FCRL2: variants seen among roughly 807,000 people sequenced by gnomAD.
The protein encoded by FCRL2 is Fc receptor like 2.
A neutral mutation model predicts 59.8 loss-of-function variants in FCRL2; 48 were observed. The ratio of observed to expected loss-of-function variants is 0.80; its 90% CI spans 0.64 to 1.02. The LOEUF (loss-of-function observed/expected upper bound fraction) is 1.02. Among genes scored for constraint, FCRL2 ranks in the 50% least tolerant of loss-of-function variants. The pLI is 0.00. For synonymous variants in FCRL2, 251 were observed against 229.5 expected (o/e 1.09, Z -0.85); for missense variants, 658 against 597.3 (o/e 1.10, Z -1.06).
chr1:157,746,941 A>AT, intron 10 of FCRL2, 42 bp from the exon 11 acceptor site: 1 of 1,602,898 alleles, frequency 6.2e-7, no homozygotes, highest in Non-Finnish European at 8.5e-7. Flanking sequence ...TTGCATTCTT[A>AT]ATTAGGCCTC....
At chr1:157,753,599 C>T (rs1571256156) in intron 7 of FCRL2, among the ~76,000 whole-genome samples, 2 of 152,186 alleles carry the variant, frequency 1.3e-5, no homozygotes, top group East Asian at 3.8e-4. Flanking sequence ...CTGGCAAGCT[C>T]GCCAAATCCC....
Position 157,769,887 on chromosome 1 carries a change from G to A in FCRL2, c.574C>T (p.Gln192Ter), listed in dbSNP as rs1571291166. 24 of 1,613,916 alleles carry A rather than the reference G, an allele frequency of 1.5e-5. 1 individual carries two copies. The East Asian group carries it at 5.3e-4, about 36-fold the overall frequency. The change falls in exon 4 of 12, where the codon CAA becomes TAA. Residue 192 changes from glutamine (Q) to a stop codon, truncating the protein, a stop_gained. Coordinates refer to ENST00000361516, the MANE Select transcript of FCRL2 (RefSeq NM_030764.4). LOFTEE classifies it high-confidence loss of function. ...VTHRIRKQSL[Q>*]SQIHVQRIPI... ...TTGCTCTGCACGTGAATCTGGGATTGGAGGCTCTGTTTTCTGATCCTGTGA... is the reference window on the plus strand; with the variant it reads ...TTGCTCTGCACGTGAATCTGGGATTAGAGGCTCTGTTTTCTGATCCTGTGA...
At chr1:157,755,699 C>T (rs1648533871) in intron 7 of FCRL2, among the ~76,000 whole-genome samples, 1 of 152,100 alleles carries the variant, frequency 6.6e-6, no homozygotes, top group Admixed American at 6.5e-5. Context: ...AAAGATGTTA[C>T]AGTTCTATAC....
chr1:157,775,728 G>A (rs775924541), intron 2 of FCRL2, 47 bp downstream of exon 2: 19 of 1,609,322 alleles, frequency 1.2e-5, no homozygotes, highest in East Asian at 2.2e-5. Flanking sequence ...GTAGTGGGGT[G>A]ACTGATATGC....
intron 2 of FCRL2, among the ~76,000 whole-genome samples, chr1:157,773,861 T>G (rs984134588): frequency 6.6e-6 from 1 of 152,158 alleles, no homozygotes; most frequent in African/African-American, 2.4e-5. Flanking sequence ...TGAGAGTGGC[T>G]CTACCTGCAG....
At chr1:157,768,317 C>CT (rs1280956111) in intron 5 of FCRL2, 97 bp downstream of exon 5, 11 of 1,331,602 alleles carry the variant, frequency 8.3e-6, no homozygotes, top group Non-Finnish European at 1.0e-5. Context: ...CTCCACAGCA[C>CT]TAATCCCTGG....
chr1:157,760,100 T>A (rs1181360022), intron 7 of FCRL2, among the ~76,000 whole-genome samples: 1 of 152,210 alleles, frequency 6.6e-6, no homozygotes. Context: ...CACTATGGAA[T>A]ACTATGCAGC....
chr1:157,769,016 G>A, intron 4 of FCRL2: 1 of 222,690 alleles, frequency 4.5e-6, no homozygotes, highest in Non-Finnish European at 8.7e-6. Flanking sequence ...ATATAGAGGG[G>A]CACTGATATC....
intron 1 of FCRL2, 94 bp downstream of exon 1, chr1:157,776,949 C>A: frequency 8.1e-7 from 1 of 1,227,638 alleles, no homozygotes; most frequent in Non-Finnish European, 1.2e-6. Context: ...GCATCCCCAC[C>A]AGTCCCTGGG....
At chr1:157,768,783 A>T in intron 4 of FCRL2, 82 bp from the exon 5 acceptor site, 1 of 1,328,468 alleles carries the variant, frequency 7.5e-7, no homozygotes, top group Non-Finnish European at 1.0e-6. Context: ...CTCTAATGCA[A>T]AATGTGGGAA....
In FCRL2 at chr1:157,770,113, G is replaced by C; in HGVS notation, c.348C>G (p.Phe116Leu). 1 of 1,614,154 alleles carries C rather than the reference G, an allele frequency of 6.2e-7. No homozygotes were observed. The highest frequency in any genetic ancestry group is 8.5e-7 in the Non-Finnish European group (1 of 1,180,036). ...TCACTGGACCCCCTTCGATGGGCTG[G>C]AAGGAGCTGGCAGTCAGCACAGGAC... ...FQRPVLTASS[F>L]QPIEGGPVSL... Residue 116 changes from phenylalanine (F) to leucine (L), a missense_variant, in exon 4 of 12, where the codon TTC becomes TTG. Phe to Leu is a conservative substitution (Grantham distance 22, BLOSUM62 0). Coordinates refer to ENST00000361516, the MANE Select transcript of FCRL2 (RefSeq NM_030764.4).
intron 6 of FCRL2, 55 bp downstream of exon 6, chr1:157,767,176 C>G: frequency 6.4e-7 from 1 of 1,560,622 alleles, no homozygotes; most frequent in African/African-American, 1.4e-5. Context: ...CATCTCCAGG[C>G]TGGTGAGACA....
intron 7 of FCRL2, among the ~76,000 whole-genome samples, chr1:157,764,072 C>T (rs1412204575): frequency 2.0e-5 from 3 of 149,298 alleles, no homozygotes; most frequent in East Asian, 3.9e-4. Context: ...GGTGTGGTGG[C>T]ACACGCCTGT....
At chr1:157,754,218 T>C (rs1648415253) in intron 7 of FCRL2, among the ~76,000 whole-genome samples, 1 of 152,040 alleles carries the variant, frequency 6.6e-6, no homozygotes. Context: ...ATACAGGTCA[T>C]AAAGACCTTG....
intron 7 of FCRL2, among the ~76,000 whole-genome samples, chr1:157,762,639 A>T (rs935275017): frequency 6.6e-6 from 1 of 152,226 alleles, no homozygotes; most frequent in Admixed American, 6.5e-5. Flanking sequence ...TCCATGGCAC[A>T]TTATAATAAA....
In FCRL2 at chr1:157,748,591, T is replaced by C; in HGVS notation, c.1421A>G (p.Tyr474Cys). The change falls in exon 10 of 12, where the codon TAT becomes TGT. Residue 474 changes from tyrosine (Y) to cysteine (C), a missense_variant. Tyr to Cys is a radical substitution (Grantham distance 194). Transcript: ENST00000361516. ...CTGCTGCATGCTCCAGACCTGAGAA[T>C]AAACCACATCCACATCTACAGAGCC... ...NVGSVDVDVVYSQVWSMQQPE... is the reference protein window; with the variant it reads ...NVGSVDVDVVCSQVWSMQQPE... 6.2e-7 allele frequency: 1 copy of C among 1,614,008 alleles called. No individual in the cohort carries two copies. The highest frequency in any genetic ancestry group is 8.5e-7 in the Non-Finnish European group (1 of 1,179,866).
In FCRL2 at chr1:157,768,706, A is replaced by T. The variant is rs988111132; in HGVS notation, c.596-5T>A. ...TTACATTAGAGATGGGGATTCCTAGATGGATATAAGACAACAGGTGAGAAC... is the reference window on the plus strand; with the variant it reads ...TTACATTAGAGATGGGGATTCCTAGTTGGATATAAGACAACAGGTGAGAAC... On this transcript the variant is annotated splice_region_variant and splice_polypyrimidine_tract_variant and intron_variant, in intron 4 of 11. Coordinates refer to ENST00000361516, the MANE Select transcript of FCRL2 (RefSeq NM_030764.4). 1.0e-5 allele frequency: 16 copies of T among 1,603,294 alleles called. No homozygotes were observed. Among genetic ancestry groups the T allele is most frequent in the Non-Finnish European group, 1.4e-5 (16 of 1,174,600 alleles).
intron 7 of FCRL2, among the ~76,000 whole-genome samples, chr1:157,753,643 T>A (rs1264784765): frequency 1.3e-5 from 2 of 152,192 alleles, no homozygotes; most frequent in South Asian, 4.1e-4. Context: ...TCCCATTACA[T>A]AGGTATGATT....
At chr1:157,764,024 C>T (rs1409836961) in intron 7 of FCRL2, among the ~76,000 whole-genome samples, 16 of 103,684 alleles carry the variant, frequency 1.5e-4, no homozygotes, top group African/African-American at 5.3e-4. Context: ...TGCGAGACTT[C>T]ATCTCAAAAA....
Sources: allele counts gnomAD v4.1 joint callset (sites outside exome capture counted in the v4.1 genomes callset), GRCh38; gene constraint gnomAD v4.1.1; transcripts MANE v1.5; gene names NCBI Gene and HGNC (gene_info 2026-07-23, HGNC 2026-07-21).